GTF2F2: variants seen among roughly 807,000 people sequenced by gnomAD.
GTF2F2 encodes the protein general transcription factor IIF subunit 2.
A neutral mutation model predicts 42.2 loss-of-function variants in GTF2F2; 23 were observed. The observed-to-expected ratio is 0.55, with a 90% CI of 0.39 to 0.77. The LOEUF (loss-of-function observed/expected upper bound fraction) is 0.77, where lower values mean the gene tolerates loss of function less well. Ranked by LOEUF, GTF2F2 falls within the 30% of genes least tolerant of loss-of-function variation. The pLI, the probability that GTF2F2 is intolerant of heterozygous loss-of-function variation, is 0.00. For missense variants in GTF2F2, 261 were observed against 287.2 expected, an observed-to-expected ratio of 0.91 and a Z score of 0.66; for synonymous variants, 105 against 100.8, an observed-to-expected ratio of 1.04 and a Z score of -0.25.
intron 4 of GTF2F2, among the ~76,000 whole-genome samples, chr13:45,165,487 C>G (rs1350252864): frequency 6.6e-6 from 1 of 151,442 alleles, no homozygotes; most frequent in Non-Finnish European, 1.5e-5. Flanking sequence ...ACCGATTTCT[C>G]AGCTGTATAT....
chr13:45,212,447 G>GTTTCTTTCTTTTCTTTTCTTTC (rs765065810), intron 5 of GTF2F2, among the ~76,000 whole-genome samples: 15 of 45,676 alleles, frequency 3.3e-4, no homozygotes, highest in Non-Finnish European at 5.1e-4. Flanking sequence ...TTTCTTTCTT[G>GTTTCTTTCTTTTCTTTTCTTTC]TTTCTTTCTT....
intron 7 of GTF2F2, among the ~76,000 whole-genome samples, chr13:45,277,007 C>T (rs1425029759): frequency 6.6e-6 from 1 of 151,916 alleles, no homozygotes; most frequent in African/African-American, 2.4e-5. Context: ...CTGTGTGCTG[C>T]TTAGAGTTTT....
intron 4 of GTF2F2, among the ~76,000 whole-genome samples, chr13:45,177,050 AAGGTGCT>A (rs1357442411): frequency 6.6e-6 from 1 of 152,034 alleles, no homozygotes. Context: ...TCAGCCTTTC[AAGGTGCT>A]AGGATTACAG....
intron 4 of GTF2F2, among the ~76,000 whole-genome samples, chr13:45,179,442 T>A (rs927071953): frequency 6.6e-6 from 1 of 152,216 alleles, no homozygotes; most frequent in Non-Finnish European, 1.5e-5. Context: ...AACTAGACTG[T>A]CTGTGGCAAA....
intron 7 of GTF2F2, among the ~76,000 whole-genome samples, chr13:45,279,735 G>A (rs953704260): frequency 5.9e-5 from 9 of 152,048 alleles, no homozygotes; most frequent in East Asian, 3.9e-4. Flanking sequence ...GAGAAACTCC[G>A]TCTCTCCTAA....
chr13:45,158,035 C>T lies in GTF2F2; in HGVS notation c.304+6204C>T, dbSNP rs566384504. ...TAATTCTTAGCCTCCTCTTATTTCTCGTATTTGGTCATTTTGTTGTTTCTG... is the reference window on the plus strand; with the variant it reads ...TAATTCTTAGCCTCCTCTTATTTCTTGTATTTGGTCATTTTGTTGTTTCTG... On this transcript the variant is annotated intron_variant, in intron 4 of 7. Coordinates refer to ENST00000340473, the MANE Select transcript of GTF2F2 (RefSeq NM_004128.3). 7.2e-5 allele frequency among the ~76,000 whole-genome samples: 11 copies of T among 152,290 alleles called. No homozygotes were observed. In the East Asian group the frequency reaches 1.9e-3, roughly 27 times the overall value.
chr13:45,190,010 A>T (rs1271802146), intron 4 of GTF2F2, among the ~76,000 whole-genome samples: 1 of 152,220 alleles, frequency 6.6e-6, no homozygotes, highest in African/African-American at 2.4e-5. Context: ...GACAAATGGG[A>T]TCTAATTAAA....
chr13:45,243,224 G>A (rs1184685264), intron 5 of GTF2F2, among the ~76,000 whole-genome samples: 3 of 152,122 alleles, frequency 2.0e-5, no homozygotes, highest in African/African-American at 7.2e-5. Flanking sequence ...TAAATCAGGG[G>A]TTCCTCAACG....
chr13:45,179,832 C>T (rs1845649883), intron 4 of GTF2F2, among the ~76,000 whole-genome samples: 2 of 151,944 alleles, frequency 1.3e-5, no homozygotes, highest in Admixed American at 1.3e-4. Flanking sequence ...GAATATAGAC[C>T]AGCATAGTTA....
chr13:45,198,664 C>T (rs1873025079), intron 4 of GTF2F2, among the ~76,000 whole-genome samples: 1 of 152,170 alleles, frequency 6.6e-6, no homozygotes, highest in Non-Finnish European at 1.5e-5. Flanking sequence ...TTACTTAAAT[C>T]TGACAGTATA....
At chr13:45,230,942 G>A (rs576705687) in intron 5 of GTF2F2, among the ~76,000 whole-genome samples, 36 of 151,898 alleles carry the variant, frequency 2.4e-4, no homozygotes, top group Middle Eastern at 3.4e-3. Context: ...TGCAGCTTTT[G>A]TTTTTTATAA....
At chr13:45,131,280 AG>A (rs1284245991) in intron 1 of GTF2F2, among the ~76,000 whole-genome samples, 2 of 152,120 alleles carry the variant, frequency 1.3e-5, no homozygotes, top group Admixed American at 1.3e-4. Context: ...ACTGAAGTTA[AG>A]GGGCCAGAAA....
chr13:45,231,172 A>G (rs746774919), intron 5 of GTF2F2, among the ~76,000 whole-genome samples: 13 of 152,044 alleles, frequency 8.6e-5, no homozygotes, highest in African/African-American at 1.7e-4. Context: ...CAGTGGCACA[A>G]TCTTGGCTTA....
intron 4 of GTF2F2, among the ~76,000 whole-genome samples, chr13:45,205,272 C>T (rs965626889): frequency 2.0e-5 from 3 of 152,088 alleles, no homozygotes; most frequent in Non-Finnish European, 4.4e-5. Flanking sequence ...ACCAAGGTGG[C>T]AGGAGGGAGA....
chr13:45,194,101 C>T (rs1180298515), intron 4 of GTF2F2: 8 of 1,614,120 alleles, frequency 5.0e-6, no homozygotes, highest in Non-Finnish European at 5.9e-6. Flanking sequence ...ACAGAAGATT[C>T]TTAATCCTTG....
At chr13:45,255,586 G>A (rs574423460) in intron 6 of GTF2F2, among the ~76,000 whole-genome samples, 11 of 152,324 alleles carry the variant, frequency 7.2e-5, no homozygotes, top group Non-Finnish European at 1.5e-4. Context: ...TAGATAAATA[G>A]ATTAAAGTCC....
intron 7 of GTF2F2, among the ~76,000 whole-genome samples, chr13:45,280,143 C>T (rs1566160996): frequency 6.6e-6 from 1 of 152,054 alleles, no homozygotes; most frequent in Non-Finnish European, 1.5e-5. Flanking sequence ...GGAAGGGAAA[C>T]AACATATGGG....
chr13:45,167,109 A>T (rs1456232781), intron 4 of GTF2F2, among the ~76,000 whole-genome samples: 3 of 147,922 alleles, frequency 2.0e-5, no homozygotes, highest in African/African-American at 2.5e-5. Context: ...TTTTTTTTTT[A>T]AAGAACTTCG....
intron 5 of GTF2F2, among the ~76,000 whole-genome samples, chr13:45,243,228 C>G (rs936916469): frequency 1.3e-5 from 2 of 152,104 alleles, no homozygotes; most frequent in African/African-American, 4.8e-5. Flanking sequence ...TCAGGGGTTC[C>G]TCAACGCCTG....
Sources: allele counts gnomAD v4.1 joint callset (sites outside exome capture counted in the v4.1 genomes callset), GRCh38; gene constraint gnomAD v4.1.1; transcripts MANE v1.5; gene names NCBI Gene and HGNC (gene_info 2026-07-23, HGNC 2026-07-21).